Variants in AGPAT4 observed in about 807,000 individuals in gnomAD.
AGPAT4 encodes 1-acyl-sn-glycerol-3-phosphate acyltransferase delta.
Under a neutral mutation model 48.0 loss-of-function variants are expected in AGPAT4, and 15 were observed. The ratio of observed to expected loss-of-function variants is 0.31; its 90% confidence interval spans 0.21 to 0.48. The LOEUF is 0.48. Ranked by LOEUF, AGPAT4 falls within the 20% of genes least tolerant of loss-of-function variation. The pLI is 0.99. For missense variants in AGPAT4, 314 were observed against 482.5 expected (o/e 0.65, Z 3.27); for synonymous variants, 178 against 198.7 (o/e 0.90, Z 0.88).
rs532353179 is a variant in AGPAT4, at chr6:161,163,398, GT to G, written c.348+2849del. The stretch of plus-strand genomic sequence containing the variant: ...AAAAAACAGAGAGATGAATGAGGTT[GT>G]TTTTTTTTTCTGAAGGTCATTAAAG... On this transcript the variant is annotated intron_variant, in intron 3 of 8. Transcript: ENST00000320285. Among the ~76,000 whole-genome samples the G allele has an allele frequency of 2.2e-3, 330 of 148,798 alleles. 2 individuals carry two copies. Among genetic ancestry groups the G allele is most frequent in the African/African-American group, 7.6e-3 (308 of 40,674 alleles).
In AGPAT4 at chr6:161,132,700, CCTT is replaced by C. The variant is rs1280704561; in HGVS notation, c.*3837_*3839del. ...TACACATGGGCTTGCCTAAGTATTT[CCTT>C]CTCTGTGAACATCACTTAGGAGCTA... On this transcript the variant is annotated 3_prime_UTR_variant, in exon 9 of 9. Transcript: ENST00000320285. 6.6e-6 allele frequency: 1 copy of C among 152,288 alleles called. No individual in the cohort carries two copies. The highest frequency in any genetic ancestry group is 1.5e-5 in the Non-Finnish European group (1 of 68,068). The allele number at this position is 152,288 out of a possible 1,614,324, so 9.4% of individuals were successfully genotyped here. A position where few individuals can be genotyped will look rare whatever the true frequency, so the allele number is the denominator to read the frequency against.
intron 2 of AGPAT4, among the ~76,000 whole-genome samples, chr6:161,193,454 T>G (rs1028652968): frequency 3.9e-5 from 6 of 152,216 alleles, no homozygotes; most frequent in African/African-American, 1.4e-4. Context: ...TTCCAGAGCA[T>G]CCGGGGGATC....
Position 161,148,092 on chromosome 6 carries a change from G to A in AGPAT4, c.767+1095C>T, listed in dbSNP as rs1265528580. Among the ~76,000 whole-genome samples, 1 of 152,150 alleles carries A rather than the reference G, an allele frequency of 6.6e-6. No homozygotes were observed. Among genetic ancestry groups the A allele is most frequent in the East Asian group, 1.9e-4 (1 of 5,190 alleles). ...CATCTTGGGGTTTTCCCAAATAACTGAGCCCAGCTGGCCATTGAGTGGAGC... is the reference window on the plus strand; with the variant it reads ...CATCTTGGGGTTTTCCCAAATAACTAAGCCCAGCTGGCCATTGAGTGGAGC... On this transcript the variant is annotated intron_variant, in intron 6 of 8. Transcript: ENST00000320285. This position sits in a 1 kb window ranked among gnomAD's most constrained non-coding sequence, Gnocchi z 5.5.
At chr6:161,182,141 ACAGCC>A (rs1780615769) in intron 2 of AGPAT4, among the ~76,000 whole-genome samples, 1 of 152,000 alleles carries the variant, frequency 6.6e-6, no homozygotes, top group South Asian at 2.1e-4. Flanking sequence ...AGTGCTCAGC[ACAGCC>A]CAGCCCCTCG....
At chr6:161,273,691 G>A (rs1027939147) in intron 1 of AGPAT4, among the ~76,000 whole-genome samples, 3 of 152,020 alleles carry the variant, frequency 2.0e-5, no homozygotes, top group Middle Eastern at 3.4e-3. Flanking sequence ...AGAAAGGGAC[G>A]CTCACCCGGC....
rs1196573297 is a variant in AGPAT4, at chr6:161,140,153, A to AC, written c.844-534dup. Among the ~76,000 whole-genome samples, 1 of 151,876 alleles carries AC rather than the reference A, an allele frequency of 6.6e-6. No homozygotes were observed. Among genetic ancestry groups the AC allele is most frequent in the East Asian group, 1.9e-4 (1 of 5,180 alleles). On this transcript the variant is annotated intron_variant, in intron 7 of 8. Transcript: ENST00000320285. This position sits in a 1 kb window ranked among gnomAD's most constrained non-coding sequence, Gnocchi z 6.5. ...AGTTCACCTCGGGCAGCCCACCCGCACCTACCACCCTGTTTGCCACTGGAG... is the reference window on the plus strand; with the variant it reads ...AGTTCACCTCGGGCAGCCCACCCGCACCCTACCACCCTGTTTGCCACTGGAG...
At position 161,266,675 on chromosome 6, in the gene AGPAT4, G is replaced by A. The variant is rs1469568644; in HGVS notation, c.-90+7263C>T. Among the ~76,000 whole-genome samples, 1 of 152,160 alleles carries A rather than the reference G, an allele frequency of 6.6e-6. No individual in the cohort carries two copies. The highest frequency in any genetic ancestry group is 1.5e-5 in the Non-Finnish European group (1 of 68,044). ...AACCTGCCCTTCCCCCAGCAGAAAA[G>A]AGACAAGAAAAGAAATGAGCCTGAT... On this transcript the variant is annotated intron_variant, in intron 1 of 8. Coordinates refer to ENST00000320285, the MANE Select transcript of AGPAT4 (RefSeq NM_020133.3). The surrounding 1 kb of genome is among the most constrained non-coding windows in gnomAD (Gnocchi z 6.2).
Position 161,178,580 on chromosome 6 carries a change from G to A in AGPAT4, c.179-12163C>T, listed in dbSNP as rs1464679743. 2.6e-5 allele frequency among the ~76,000 whole-genome samples: 4 copies of A among 152,246 alleles called. No homozygotes were observed. Among genetic ancestry groups the A allele is most frequent in the East Asian group, 3.9e-4 (2 of 5,160 alleles). Reference sequence around the variant, plus strand: ...GAATTCCCGGACCCCTGCACTTCCCGGGTGAGGCGATGCCCCACCCTGCTT... The same window carrying A: ...GAATTCCCGGACCCCTGCACTTCCCAGGTGAGGCGATGCCCCACCCTGCTT... On this transcript the variant is annotated intron_variant, in intron 2 of 8. Coordinates refer to ENST00000320285, the MANE Select transcript of AGPAT4 (RefSeq NM_020133.3). The surrounding 1 kb of genome is among the most constrained non-coding windows in gnomAD (Gnocchi z 5.1).
intron 1 of AGPAT4, among the ~76,000 whole-genome samples, chr6:161,237,391 G>A (rs1382309873): frequency 6.6e-6 from 1 of 152,178 alleles, no homozygotes; most frequent in Non-Finnish European, 1.5e-5. Context: ...ATTAACATTA[G>A]CAAGGTTTCT....
Position 161,139,347 on chromosome 6 carries a change from C to T in AGPAT4, c.1042+75G>A. 6.5e-7 allele frequency: 1 copy of T among 1,531,932 alleles called. No homozygotes were observed. Among genetic ancestry groups the T allele is most frequent in the East Asian group, 2.3e-5 (1 of 44,174 alleles). The allele number at this position is 1,531,932 out of a possible 1,614,324, so 94.9% of individuals were successfully genotyped here. On this transcript the variant is annotated intron_variant, in intron 8 of 8. Coordinates refer to ENST00000320285, the MANE Select transcript of AGPAT4 (RefSeq NM_020133.3). The surrounding 1 kb of genome is among the most constrained non-coding windows in gnomAD (Gnocchi z 9.1). Reference sequence around the variant, plus strand: ...CGGCACAACTGCCTATACAGATGGCCTTCGTCCCAGCCCTGATGCCACCTC... The same window carrying T: ...CGGCACAACTGCCTATACAGATGGCTTTCGTCCCAGCCCTGATGCCACCTC...
At chr6:161,191,657 AAGGTTAAATTGC>A (rs1780927030) in intron 2 of AGPAT4, among the ~76,000 whole-genome samples, 1 of 152,230 alleles carries the variant, frequency 6.6e-6, no homozygotes, top group Non-Finnish European at 1.5e-5. Flanking sequence ...TTAAAAGTAC[AAGGTTAAATTGC>A]AGCTGTTTGA....
At chr6:161,157,968 A>G (rs1779809020) in intron 3 of AGPAT4, among the ~76,000 whole-genome samples, 1 of 152,226 alleles carries the variant, frequency 6.6e-6, no homozygotes, top group African/African-American at 2.4e-5. Flanking sequence ...AGACTGAATA[A>G]TGTATGGAAA....
chr6:161,267,020 T>C lies in AGPAT4; in HGVS notation c.-90+6918A>G, dbSNP rs566069237. 6.6e-5 allele frequency among the ~76,000 whole-genome samples: 10 copies of C among 152,296 alleles called. No individual in the cohort carries two copies. Among genetic ancestry groups the C allele is most frequent in the Non-Finnish European group, 1.5e-4 (10 of 68,022 alleles). On this transcript the variant is annotated intron_variant, in intron 1 of 8. Transcript: ENST00000320285. This position sits in a 1 kb window ranked among gnomAD's most constrained non-coding sequence, Gnocchi z 5.2. ...CGTGGTGGATTTGTGGAAAGTCCAC[T>C]GAAGAACAGAAAGCCTCTGACTCCA...
At position 161,132,554 on chromosome 6, in the gene AGPAT4, G is replaced by T. The variant is rs1245126487; in HGVS notation, c.*3986C>A. 6.6e-6 allele frequency: 1 copy of T among 152,348 alleles called. No individual in the cohort carries two copies. Among genetic ancestry groups the T allele is most frequent in the African/African-American group, 2.4e-5 (1 of 41,484 alleles). 9.4% of individuals were successfully genotyped at this position (152,348 alleles called of 1,614,324 possible). On this transcript the variant is annotated 3_prime_UTR_variant, in exon 9 of 9. Coordinates refer to ENST00000320285, the MANE Select transcript of AGPAT4 (RefSeq NM_020133.3). ...GCTGAATGGCTGTTGGCTCTCAGCA[G>T]CACCTGTCAGCATAGCTCGGCCGCT...
In AGPAT4 at chr6:161,255,996, C is replaced by T. The variant is rs1782933228; in HGVS notation, c.-90+17942G>A. Among the ~76,000 whole-genome samples, 1 of 152,114 alleles carries T rather than the reference C, an allele frequency of 6.6e-6. No homozygotes were observed. Among genetic ancestry groups the T allele is most frequent in the South Asian group, 2.1e-4 (1 of 4,818 alleles). On this transcript the variant is annotated intron_variant, in intron 1 of 8. Transcript: ENST00000320285. The surrounding 1 kb of genome is among the most constrained non-coding windows in gnomAD (Gnocchi z 4.7). ...CCATGTCAACACATAGAGGGACATG[C>T]TGTTTAGATGAAGGAAATGAGCTGC...
intron 1 of AGPAT4, among the ~76,000 whole-genome samples, chr6:161,256,550 C>T (rs904415489): frequency 6.6e-5 from 10 of 152,206 alleles, no homozygotes; most frequent in African/African-American, 2.2e-4. Flanking sequence ...GGCTGAAATA[C>T]GTGACAGACA....
intron 1 of AGPAT4, among the ~76,000 whole-genome samples, chr6:161,248,058 A>G (rs1782708165): frequency 6.6e-6 from 1 of 151,508 alleles, no homozygotes; most frequent in African/African-American, 2.4e-5. Flanking sequence ...GCATCCAAAT[A>G]GGAAGAGTGG....
At chr6:161,211,042 A>G (rs1489494545) in intron 2 of AGPAT4, among the ~76,000 whole-genome samples, 1 of 152,244 alleles carries the variant, frequency 6.6e-6, no homozygotes, top group East Asian at 1.9e-4. Context: ...ATGAGCAAGG[A>G]CAGCTTGGAG....
At chr6:161,172,351 C>T (rs1780289223) in intron 2 of AGPAT4, among the ~76,000 whole-genome samples, 1 of 152,206 alleles carries the variant, frequency 6.6e-6, no homozygotes, top group Non-Finnish European at 1.5e-5. Context: ...GGGCAGTGCC[C>T]ACCACACCTG....
Sources: gnomAD v4.1 joint callset for allele counts (sites outside exome capture counted in the v4.1 genomes callset) on GRCh38, gnomAD v4.1.1 for gene constraint, Gnocchi (gnomAD v3.1) non-coding constraint, MANE v1.5 for transcripts, NCBI Gene and HGNC (gene_info 2026-07-23, HGNC 2026-07-21) for gene names.